FOXP2: variants seen among roughly 807,000 people sequenced by gnomAD.
FOXP2 encodes the protein forkhead box P2.
A neutral mutation model predicts 115.8 loss-of-function variants in FOXP2; 12 were observed. The observed-to-expected ratio is 0.10, with a 90% CI of 0.07 to 0.17. The LOEUF is 0.17. Ranked by LOEUF, FOXP2 falls within the 10% of genes least tolerant of loss-of-function variation. The pLI is 1.00. For synonymous variants in FOXP2, 328 were observed against 297.7 expected (o/e 1.10, Z -1.05); for missense variants, 629 against 843.5 (o/e 0.75, Z 3.15).
At chr7:114,224,869 G>A (rs1199221339) in intron 1 of FOXP2, among the ~76,000 whole-genome samples, 1 of 152,090 alleles carries the variant, frequency 6.6e-6, no homozygotes, top group African/African-American at 2.4e-5. Context: ...AGATGAATGA[G>A]CTATAAGATA....
chr7:114,520,276 A>G (rs1208960868), intron 2 of FOXP2, among the ~76,000 whole-genome samples: 1 of 152,106 alleles, frequency 6.6e-6, no homozygotes, highest in African/African-American at 2.4e-5. Context: ...TGGAATTTTC[A>G]TATTTTTTAA....
At chr7:114,474,195 C>A (rs959514275) in intron 2 of FOXP2, among the ~76,000 whole-genome samples, 4 of 152,070 alleles carry the variant, frequency 2.6e-5, no homozygotes, top group Non-Finnish European at 5.9e-5. Context: ...GATATCAGAA[C>A]AACAGAATAG....
chr7:114,636,773 G>A (rs902471800), intron 6 of FOXP2, among the ~76,000 whole-genome samples: 10 of 151,864 alleles, frequency 6.6e-5, no homozygotes, highest in African/African-American at 1.5e-4. Flanking sequence ...TTTAAACTTC[G>A]TGTGCCTTAA....
intron 1 of FOXP2, among the ~76,000 whole-genome samples, chr7:114,221,270 T>C (rs925251361): frequency 2.6e-5 from 4 of 152,256 alleles, no homozygotes; most frequent in Admixed American, 1.3e-4. Context: ...AACAGTTTAC[T>C]TTGTGGTTTT....
chr7:114,691,617 G>A lies in FOXP2; in HGVS notation c.*1691G>A, dbSNP rs1272449635. ...TGCTTAAAACCTAGAAACTTAACAT[G>A]TTGCTTTTCATGTGCTGTGCCAAGT... On this transcript the variant is annotated 3_prime_UTR_variant, in exon 17 of 17. Coordinates refer to ENST00000350908, the MANE Select transcript of FOXP2 (RefSeq NM_014491.4). The A allele has an allele frequency of 2.2e-6, 1 of 453,916 alleles. No individual in the cohort carries two copies. The highest frequency in any genetic ancestry group is 2.4e-5 in the Admixed American group (1 of 42,528). The allele number at this position is 453,916 out of a possible 1,614,324, so 28.1% of individuals were successfully genotyped here. A position where few individuals can be genotyped will look rare whatever the true frequency, so the allele number is the denominator to read the frequency against.
chr7:114,174,804 A>G (rs942603894), intron 1 of FOXP2, among the ~76,000 whole-genome samples: 2 of 152,122 alleles, frequency 1.3e-5, no homozygotes, highest in African/African-American at 4.8e-5. Flanking sequence ...GAATGTGTTC[A>G]TAACTGATTT....
chr7:114,310,868 C>A (rs1373783904), intron 2 of FOXP2, among the ~76,000 whole-genome samples: 1 of 152,100 alleles, frequency 6.6e-6, no homozygotes, highest in Admixed American at 6.6e-5. Context: ...AAGTAAAGTA[C>A]ACTTGGAAGA....
At chr7:114,348,927 A>G (rs1791411498) in intron 2 of FOXP2, among the ~76,000 whole-genome samples, 1 of 152,058 alleles carries the variant, frequency 6.6e-6, no homozygotes, top group Non-Finnish European at 1.5e-5. Flanking sequence ...TCAAAGCAAA[A>G]TGGGCCAAAT....
upstream of FOXP2, among the ~76,000 whole-genome samples, chr7:114,161,537 G>T (rs201726010): frequency 9.6e-3 from 1,439 of 149,120 alleles, 32 homozygotes; most frequent in African/African-American, 0.034. Context: ...TCTCACAATA[G>T]TTTTTTTTTT....
chr7:114,644,558 T>A (rs1805763701), intron 7 of FOXP2, 127 bp from the exon 8 acceptor site: 3 of 740,632 alleles, frequency 4.1e-6, no homozygotes, highest in Non-Finnish European at 7.2e-6. Context: ...TAAATTTTTC[T>A]GACTGCTCTG....
intron 1 of FOXP2, among the ~76,000 whole-genome samples, chr7:114,094,376 T>C (rs2129139630): frequency 6.6e-6 from 1 of 152,336 alleles, no homozygotes; most frequent in East Asian, 1.9e-4. Context: ...CCCTCTCACA[T>C]ACTTTGTTCA....
intron 1 of FOXP2, among the ~76,000 whole-genome samples, chr7:114,112,630 T>C (rs1221392122): frequency 5.3e-5 from 8 of 152,008 alleles, no homozygotes. Context: ...CTTGTACTGG[T>C]TGTTGCTAGA....
intron 3 of FOXP2, among the ~76,000 whole-genome samples, chr7:114,586,269 G>T (rs1802124736): frequency 6.6e-6 from 1 of 152,070 alleles, no homozygotes; most frequent in Non-Finnish European, 1.5e-5. Flanking sequence ...ACATATTGGA[G>T]ATTAAGTTTT....
chr7:114,500,744 G>A (rs952118929), intron 2 of FOXP2, among the ~76,000 whole-genome samples: 2 of 152,130 alleles, frequency 1.3e-5, no homozygotes, highest in Admixed American at 1.3e-4. Context: ...TGTAGTAGAG[G>A]TTTTGCTACC....
chr7:114,643,085 A>G (rs1805670910), intron 7 of FOXP2, among the ~76,000 whole-genome samples: 2 of 151,846 alleles, frequency 1.3e-5, no homozygotes, highest in Admixed American at 6.6e-5. Context: ...TGCTGGGATT[A>G]CAGGCGTGAG....
At chr7:114,618,472 A>T (rs1265242254) in intron 3 of FOXP2, among the ~76,000 whole-genome samples, 1 of 152,172 alleles carries the variant, frequency 6.6e-6, no homozygotes, top group East Asian at 1.9e-4. Flanking sequence ...ATGGTGATTT[A>T]TCCCTTATTG....
chr7:114,170,312 CCTT>C (rs766226743), intron 1 of FOXP2, among the ~76,000 whole-genome samples: 4 of 152,158 alleles, frequency 2.6e-5, no homozygotes, highest in Non-Finnish European at 4.4e-5. Context: ...CTGTCTCTCT[CCTT>C]CTCTTCAGGC....
intron 15 of FOXP2, among the ~76,000 whole-genome samples, chr7:114,663,966 G>T (rs1807023995): frequency 6.6e-6 from 1 of 152,106 alleles, no homozygotes; most frequent in South Asian, 2.1e-4. Context: ...AAAAAGCAGA[G>T]CAACTGCTTA....
intron 2 of FOXP2, among the ~76,000 whole-genome samples, chr7:114,524,927 C>T (rs557624611): frequency 6.6e-6 from 1 of 152,166 alleles, no homozygotes; most frequent in Admixed American, 6.5e-5. Flanking sequence ...TTGTATCTCA[C>T]AATACATTCA....
Sources: allele counts gnomAD v4.1 joint callset (sites outside exome capture counted in the v4.1 genomes callset), GRCh38; gene constraint gnomAD v4.1.1; transcripts MANE v1.5; gene names NCBI Gene and HGNC (gene_info 2026-07-23, HGNC 2026-07-21).